PHF10: variants seen among roughly 807,000 people sequenced by gnomAD.
PHF10 encodes the protein PHD finger protein 10.
Under a neutral mutation model 68.5 loss-of-function variants are expected in PHF10, and 51 were observed. The observed-to-expected ratio is 0.74, with a 90% confidence interval of 0.59 to 0.94. The LOEUF is 0.94. PHF10 is among the 40% of genes least tolerant of loss of function. The pLI, the probability that PHF10 is intolerant of heterozygous loss-of-function variation, is 0.00. For missense variants in PHF10, 460 were observed against 602.6 expected (o/e 0.76, Z 2.48); for synonymous variants, 204 against 203.5 (o/e 1.00, Z -0.02).
At position 169,720,955 on chromosome 6, in the gene PHF10, G is replaced by A. The variant is rs748613802; in HGVS notation, c.194+50C>T. ...GGGGGAAAGGGAAGAGGATGTTAAGGCAAAGAGGAACATCACAAAAAATAT... is the reference window on the plus strand; with the variant it reads ...GGGGGAAAGGGAAGAGGATGTTAAGACAAAGAGGAACATCACAAAAAATAT... On this transcript the variant is annotated intron_variant, in intron 2 of 11. Transcript: ENST00000339209. 1.0e-4 allele frequency: 99 copies of A among 952,380 alleles called. 2 individuals carry two copies. In the South Asian group the frequency reaches 1.4e-3, roughly 13 times the overall value. The allele number at this position is 952,380 out of a possible 1,614,324, so 59.0% of individuals were successfully genotyped here.
intron 7 of PHF10, among the ~76,000 whole-genome samples, chr6:169,714,096 G>C (rs1281053895): frequency 1.3e-5 from 2 of 151,964 alleles, no homozygotes. Flanking sequence ...ACTCCATCCT[G>C]GGTACAGAGC....
chr6:169,705,426 G>A (rs1009366687), intron 10 of PHF10, 105 bp from the exon 11 acceptor site: 10 of 807,182 alleles, frequency 1.2e-5, no homozygotes, highest in Non-Finnish European at 1.8e-5. Flanking sequence ...TGGCTATAAT[G>A]TCAAATCGCC....
Position 169,721,112 on chromosome 6 carries a change from C to G in PHF10, c.88-1G>C. ...CATTTGAATTATCTTCATTATCATC[C>G]TATACATTTAAAAGATTCAAAAATA... On this transcript the variant is annotated splice_acceptor_variant, in intron 1 of 11. Transcript: ENST00000339209. LOFTEE classifies it high-confidence loss of function. The G allele has an allele frequency of 1.4e-6, 2 of 1,447,650 alleles. No individual in the cohort carries two copies. The highest frequency in any genetic ancestry group is 1.9e-6 in the Non-Finnish European group (2 of 1,055,246). The allele number at this position is 1,447,650 out of a possible 1,614,324, so 89.7% of individuals were successfully genotyped here.
chr6:169,713,839 A>G (rs891257970), intron 7 of PHF10, among the ~76,000 whole-genome samples: 2 of 152,156 alleles, frequency 1.3e-5, no homozygotes, highest in African/African-American at 4.8e-5. Flanking sequence ...TTAAAACAAA[A>G]TGGGCTGGGC....
At chr6:169,710,904 A>C (rs761037953) in intron 8 of PHF10, among the ~76,000 whole-genome samples, 6 of 152,144 alleles carry the variant, frequency 3.9e-5, no homozygotes, top group Non-Finnish European at 8.8e-5. Flanking sequence ...ATGCAGAGCC[A>C]ATCCCTCAAC....
In PHF10 at chr6:169,723,992, CGCCGCT is replaced by C. The variant is rs1201836642; in HGVS notation, c.-67_-62del. 4 of 382,316 alleles carry C rather than the reference CGCCGCT, an allele frequency of 1.0e-5. No individual in the cohort carries two copies. Among genetic ancestry groups the C allele is most frequent in the East Asian group, 3.4e-4 (2 of 5,876 alleles). 23.7% of individuals were successfully genotyped at this position (382,316 alleles called of 1,614,324 possible). On this transcript the variant is annotated 5_prime_UTR_variant, in exon 1 of 12. Coordinates refer to ENST00000339209, the MANE Select transcript of PHF10 (RefSeq NM_018288.4). ...GCCTCCGCCTTGTCCCGGCCGCCGC[CGCCGCT>C]GCCGCCGCCGCCGCCGCCGCCGCCG...
chr6:169,716,100 CA>C lies in PHF10; in HGVS notation c.410-13del, dbSNP rs778605441. 8.6e-6 allele frequency: 13 copies of C among 1,517,558 alleles called. No homozygotes were observed. Among genetic ancestry groups the C allele is most frequent in the East Asian group, 2.3e-5 (1 of 43,620 alleles). 94.0% of individuals were successfully genotyped at this position (1,517,558 alleles called of 1,614,324 possible). A position where few individuals can be genotyped will look rare whatever the true frequency, so the allele number is the denominator to read the frequency against. On this transcript the variant is annotated splice_polypyrimidine_tract_variant and intron_variant, in intron 4 of 11. Coordinates refer to ENST00000339209, the MANE Select transcript of PHF10 (RefSeq NM_018288.4). ...CAATGCTGTTAAGCCTATTTTAGAC[CA>C]AAAAATAAAAAAATAAAGAAGCTCT...
In PHF10 at chr6:169,714,400, C is replaced by A. The variant is rs80102757; in HGVS notation, c.803+333G>T. Among the ~76,000 whole-genome samples the A allele has an allele frequency of 2.3e-3, 349 of 152,334 alleles. 2 individuals are homozygous for A. The highest frequency in any genetic ancestry group is 7.9e-3 in the African/African-American group (328 of 41,560). ...TAGGTCTAGAGTTGGGCCTGAGATT[C>A]TGCATTTCCAACAAGCTTCTGAGCA... On this transcript the variant is annotated intron_variant, in intron 7 of 11. Transcript: ENST00000339209.
chr6:169,711,861 A>T (rs1383495315), intron 8 of PHF10, among the ~76,000 whole-genome samples: 1 of 152,158 alleles, frequency 6.6e-6, no homozygotes, highest in Non-Finnish European at 1.5e-5. Flanking sequence ...GCCCCAAACC[A>T]TCATTGGGAT....
rs78641408 is a variant in PHF10, at chr6:169,715,862, A to G, written c.544-5T>C. 6.9e-4 allele frequency: 994 copies of G among 1,435,706 alleles called. 2 individuals carry two copies. The highest frequency in any genetic ancestry group is 9.0e-4 in the Non-Finnish European group (954 of 1,057,828). 88.9% of individuals were successfully genotyped at this position (1,435,706 alleles called of 1,614,324 possible). ...AGTATTCTGTTGTTGCATTTGCTGGAAAAAAAAAATACAGTTGGAAGTCAC... is the reference window on the plus strand; with the variant it reads ...AGTATTCTGTTGTTGCATTTGCTGGGAAAAAAAAATACAGTTGGAAGTCAC... On this transcript the variant is annotated splice_region_variant and splice_polypyrimidine_tract_variant and intron_variant, in intron 5 of 11. Transcript: ENST00000339209.
chr6:169,716,772 TCA>T (rs1322301784), intron 4 of PHF10, among the ~76,000 whole-genome samples: 1 of 152,136 alleles, frequency 6.6e-6, no homozygotes, highest in Non-Finnish European at 1.5e-5. Flanking sequence ...CAGTGGCTAT[TCA>T]CAGACATGAT....
chr6:169,723,774 G>C (rs963857681), intron 1 of PHF10, 71 bp downstream of exon 1: 15 of 454,680 alleles, frequency 3.3e-5, no homozygotes, highest in African/African-American at 2.9e-4. Context: ...CCGCCGGTGG[G>C]ACTGGGCCCA....
chr6:169,714,832 A>C lies in PHF10; in HGVS notation c.704T>G (p.Val235Gly). 6.6e-7 allele frequency: 1 copy of C among 1,515,944 alleles called. No individual in the cohort carries two copies. The highest frequency in any genetic ancestry group is 9.2e-7 in the Non-Finnish European group (1 of 1,090,528). The allele number at this position is 1,515,944 out of a possible 1,614,324, so 93.9% of individuals were successfully genotyped here. A position where few individuals can be genotyped will look rare whatever the true frequency, so the allele number is the denominator to read the frequency against. ...YFDLQTHVIQVPQGKYKVLPT... is the reference protein window; with the variant it reads ...YFDLQTHVIQGPQGKYKVLPT... ...CAAAACTTTGTACTTCCCTTGAGGT[A>C]CCTGGATAACCTACGTTAACATAAA... Residue 235 changes from valine to glycine, a missense_variant, in exon 7 of 12, where the codon GTA becomes GGA. Coordinates refer to ENST00000339209, the MANE Select transcript of PHF10 (RefSeq NM_018288.4).
chr6:169,703,992 C>T lies in PHF10; in HGVS notation c.*11G>A. 1 of 1,591,630 alleles carries T rather than the reference C, an allele frequency of 6.3e-7. No homozygotes were observed. The highest frequency in any genetic ancestry group is 8.6e-7 in the Non-Finnish European group (1 of 1,169,550). On this transcript the variant is annotated 3_prime_UTR_variant, in exon 12 of 12. Coordinates refer to ENST00000339209, the MANE Select transcript of PHF10 (RefSeq NM_018288.4). The stretch of plus-strand genomic sequence containing the variant: ...TTAAATGCATATACAGTATTAGAGT[C>T]AAAAACTATTTTATCCCTCTTTGCT...
At chr6:169,715,208 G>C (rs554329983) in intron 6 of PHF10, among the ~76,000 whole-genome samples, 1 of 152,132 alleles carries the variant, frequency 6.6e-6, no homozygotes, top group East Asian at 1.9e-4. Flanking sequence ...AAAACTCTTG[G>C]GACGCACAGC....
intron 2 of PHF10, among the ~76,000 whole-genome samples, 169 bp downstream of exon 2, chr6:169,720,836 T>A (rs1365257936): frequency 6.6e-6 from 1 of 152,228 alleles, no homozygotes; most frequent in African/African-American, 2.4e-5. Flanking sequence ...AATTGCTTTT[T>A]AATTACACTC....
chr6:169,720,781 G>C (rs1789157428), intron 2 of PHF10, among the ~76,000 whole-genome samples: 1 of 152,140 alleles, frequency 6.6e-6, no homozygotes, highest in Non-Finnish European at 1.5e-5. Flanking sequence ...CTTAAAAATT[G>C]TTAAAATGAT....
At chr6:169,704,728 A>G (rs1788712996) in intron 11 of PHF10, 1 of 173,486 alleles carries the variant, frequency 5.8e-6, no homozygotes, top group Admixed American at 6.5e-5. Context: ...ACTCTGTTCT[A>G]AAGTTATCTG....
chr6:169,704,147 G>A lies in PHF10; in HGVS notation c.1412-59C>T, dbSNP rs912495285. ...TTATCTTTACAGGACTGAATTTTAA[G>A]CCCATCTAAACTCTTCTGCCTTAGC... On this transcript the variant is annotated intron_variant, in intron 11 of 11. Coordinates refer to ENST00000339209, the MANE Select transcript of PHF10 (RefSeq NM_018288.4). 3 of 1,335,788 alleles carry A rather than the reference G, an allele frequency of 2.2e-6. No individual in the cohort carries two copies. In the African/African-American group the frequency reaches 4.6e-5, roughly 20 times the overall value. 82.7% of individuals were successfully genotyped at this position (1,335,788 alleles called of 1,614,324 possible). A position where few individuals can be genotyped will look rare whatever the true frequency, so the allele number is the denominator to read the frequency against.
Sources: gnomAD v4.1 joint callset for allele counts (sites outside exome capture counted in the v4.1 genomes callset) on GRCh38, gnomAD v4.1.1 for gene constraint, MANE v1.5 for transcripts, NCBI Gene and HGNC (gene_info 2026-07-23, HGNC 2026-07-21) for gene names.